The following GPR158 variants were observed in gnomAD, a reference collection of about 807,000 sequenced individuals.
GPR158 encodes the protein metabotropic glycine receptor.
A neutral mutation model predicts 78.2 loss-of-function variants in GPR158; 30 were observed. The observed-to-expected ratio is 0.38, with a 90% CI of 0.29 to 0.52. The LOEUF (loss-of-function observed/expected upper bound fraction) is 0.52, where lower values mean the gene tolerates loss of function less well. Among genes scored for constraint, GPR158 ranks in the 20% least tolerant of loss-of-function variants. The probability of loss-of-function intolerance (pLI) is 0.83; values close to 1 mark genes in which losing one functional copy is unlikely to be tolerated. For missense variants in GPR158, 1,463 were observed against 1,523.5 expected (o/e 0.96, Z 0.66); for synonymous variants, 581 against 591.1 (o/e 0.98, Z 0.25).
At chr10:25,574,652 C>G (rs1279084974) in intron 7 of GPR158, among the ~76,000 whole-genome samples, 1 of 151,972 alleles carries the variant, frequency 6.6e-6, no homozygotes, top group Non-Finnish European at 1.5e-5. Flanking sequence ...TTTGGGAGGC[C>G]GAGGTGGGTG....
At chr10:25,510,209 C>T (rs1197040421) in intron 5 of GPR158, among the ~76,000 whole-genome samples, 9 of 152,336 alleles carry the variant, frequency 5.9e-5, no homozygotes. Context: ...GCTTGAATAA[C>T]ATCTGAATTC....
At chr10:25,507,138 T>C (rs1258406526) in intron 5 of GPR158, among the ~76,000 whole-genome samples, 2 of 152,162 alleles carry the variant, frequency 1.3e-5, no homozygotes, top group Non-Finnish European at 2.9e-5. Context: ...TTGCTAGCCA[T>C]AGGACAGATG....
intron 4 of GPR158, among the ~76,000 whole-genome samples, chr10:25,412,717 A>T (rs1282857190): frequency 6.6e-6 from 1 of 152,174 alleles, no homozygotes; most frequent in East Asian, 1.9e-4. Context: ...CCAGTGCTTC[A>T]TTGACTTAAA....
chr10:25,201,989 A>G (rs1231173812), intron 1 of GPR158, among the ~76,000 whole-genome samples: 1 of 152,078 alleles, frequency 6.6e-6, no homozygotes, highest in Non-Finnish European at 1.5e-5. Flanking sequence ...GCCTTATAGA[A>G]TGACTTATGG....
chr10:25,513,328 A>G (rs1228876741), intron 5 of GPR158, among the ~76,000 whole-genome samples: 3 of 152,138 alleles, frequency 2.0e-5, no homozygotes, highest in Non-Finnish European at 1.5e-5. Flanking sequence ...TTGTGCATTC[A>G]TAGTAGCCTT....
At chr10:25,386,746 C>T (rs1834227441) in intron 2 of GPR158, among the ~76,000 whole-genome samples, 1 of 151,906 alleles carries the variant, frequency 6.6e-6, no homozygotes, top group Admixed American at 6.6e-5. Flanking sequence ...GAGACTGTTT[C>T]TAAACTTACT....
intron 2 of GPR158, among the ~76,000 whole-genome samples, chr10:25,358,292 G>A (rs773239920): frequency 9.9e-5 from 15 of 152,086 alleles, no homozygotes; most frequent in Non-Finnish European, 1.9e-4. Flanking sequence ...AATGATTTGA[G>A]ACTTTGGGGG....
intron 7 of GPR158, among the ~76,000 whole-genome samples, chr10:25,582,941 AAT>A (rs2130741991): frequency 6.6e-6 from 1 of 152,324 alleles, no homozygotes; most frequent in African/African-American, 2.4e-5. Flanking sequence ...TGCCTGGAAA[AAT>A]ATTTGTTTTC....
intron 2 of GPR158, among the ~76,000 whole-genome samples, chr10:25,333,969 C>T (rs952941400): frequency 8.6e-5 from 13 of 152,044 alleles, no homozygotes; most frequent in African/African-American, 3.1e-4. Context: ...TCAGATATTG[C>T]TTTATTTTGT....
chr10:25,483,538 AT>A (rs1421215449), intron 5 of GPR158, among the ~76,000 whole-genome samples: 1 of 151,932 alleles, frequency 6.6e-6, no homozygotes, highest in Non-Finnish European at 1.5e-5. Flanking sequence ...GTGTTACTTT[AT>A]TATCTTTATT....
chr10:25,229,572 A>G (rs949657316), intron 2 of GPR158, among the ~76,000 whole-genome samples: 3 of 152,196 alleles, frequency 2.0e-5, no homozygotes, highest in Admixed American at 2.0e-4. Context: ...CTAGGCCAAG[A>G]CAGGTTAAAT....
chr10:25,269,686 C>T (rs917655464), intron 2 of GPR158, among the ~76,000 whole-genome samples: 3 of 152,176 alleles, frequency 2.0e-5, no homozygotes, highest in Admixed American at 1.3e-4. Flanking sequence ...AACCATTTAG[C>T]TCTCACTGCA....
intron 4 of GPR158, among the ~76,000 whole-genome samples, chr10:25,439,876 A>G (rs1835045582): frequency 6.6e-6 from 1 of 152,186 alleles, no homozygotes; most frequent in Non-Finnish European, 1.5e-5. Flanking sequence ...CTCTTCACCC[A>G]GTTAAAATCA....
chr10:25,327,251 AACAC>A (rs141069877), intron 2 of GPR158, among the ~76,000 whole-genome samples: 232 of 149,160 alleles, frequency 1.6e-3, no homozygotes, highest in Middle Eastern at 3.5e-3. Flanking sequence ...GACACTTACA[AACAC>A]ACACACACAC....
rs977346495 is a variant in GPR158, at chr10:25,189,472, T to C, written c.902+13150T>C. 7.2e-5 allele frequency among the ~76,000 whole-genome samples: 11 copies of C among 152,278 alleles called. No individual in the cohort carries two copies. In the South Asian group the frequency reaches 1.0e-3, roughly 14 times the overall value. On this transcript the variant is annotated intron_variant, in intron 1 of 10. Coordinates refer to ENST00000376351, the MANE Select transcript of GPR158 (RefSeq NM_020752.3). ...TATGCAGCCATAAAAAAGGATGAGT[T>C]CATGTCCTTTGTAGGGACATGGATA... is the stretch of plus-strand genomic sequence containing the variant.
At chr10:25,239,135 A>G (rs962346166) in intron 2 of GPR158, among the ~76,000 whole-genome samples, 1 of 152,070 alleles carries the variant, frequency 6.6e-6, no homozygotes, top group Non-Finnish European at 1.5e-5. Context: ...TCTGAAGTGG[A>G]CTTATTTTTA....
intron 4 of GPR158, among the ~76,000 whole-genome samples, chr10:25,432,425 C>G (rs1422453623): frequency 1.3e-5 from 2 of 152,126 alleles, no homozygotes; most frequent in African/African-American, 4.8e-5. Context: ...CGTTTCAATT[C>G]TAGAAGTCTG....
chr10:25,235,678 G>T (rs554442813), intron 2 of GPR158, among the ~76,000 whole-genome samples: 28 of 146,580 alleles, frequency 1.9e-4, no homozygotes, highest in African/African-American at 7.0e-4. Context: ...CCTATGTAAA[G>T]TGTTTTGCAC....
intron 1 of GPR158, among the ~76,000 whole-genome samples, chr10:25,220,301 A>C (rs1853281325): frequency 2.0e-5 from 3 of 152,150 alleles, no homozygotes; most frequent in Admixed American, 6.5e-5. Context: ...AAAGGAGGGA[A>C]TCTTAGGAAA....
Sources: gnomAD v4.1 joint callset for allele counts (sites outside exome capture counted in the v4.1 genomes callset) on GRCh38, gnomAD v4.1.1 for gene constraint, MANE v1.5 for transcripts, NCBI Gene and HGNC (gene_info 2026-07-23, HGNC 2026-07-21) for gene names.